Variants in SLC2A7 observed in about 807,000 individuals in gnomAD.
SLC2A7 encodes the protein solute carrier family 2, facilitated glucose transporter member 7.
Under a neutral mutation model 50.5 loss-of-function variants are expected in SLC2A7, and 50 were observed. That is an observed-to-expected ratio of 0.99 (90% CI 0.79 to 1.25). The LOEUF is 1.25. Among genes scored for constraint, SLC2A7 ranks in the 50% most tolerant of loss-of-function variants. The pLI is 0.00. For synonymous variants in SLC2A7, 308 were observed against 300.4 expected (o/e 1.03, Z -0.26); for missense variants, 683 against 679.1 (o/e 1.01, Z -0.06).
At chr1:9,019,639 C>T (rs1640884344) in intron 3 of SLC2A7, among the ~76,000 whole-genome samples, 1 of 152,142 alleles carries the variant, frequency 6.6e-6, no homozygotes, top group African/African-American at 2.4e-5. Flanking sequence ...GAAGACACAG[C>T]CAGGCTGGGC....
At chr1:9,013,727 C>G in intron 7 of SLC2A7, 92 bp from the exon 8 acceptor site, 2 of 1,148,742 alleles carry the variant, frequency 1.7e-6, no homozygotes, top group East Asian at 5.2e-5. Flanking sequence ...GTTCTGCAAG[C>G]CTGGGTTGGG....
chr1:9,009,576 C>T (rs1182662992), intron 9 of SLC2A7, among the ~76,000 whole-genome samples: 1 of 152,212 alleles, frequency 6.6e-6, no homozygotes, highest in Non-Finnish European at 1.5e-5. Flanking sequence ...CCCACCTCAG[C>T]TTCCTGAGTA....
chr1:9,015,190 C>A lies in SLC2A7; in HGVS notation c.642G>T (p.Leu214=), dbSNP rs774843662. 1 of 1,610,490 alleles carries A rather than the reference C, an allele frequency of 6.2e-7. No homozygotes were observed. The highest frequency in any genetic ancestry group is 8.5e-7 in the Non-Finnish European group (1 of 1,178,878). ...GGCTTTCGGGGAAGAAGGGCAGGGTCAGCAGCTGCAGCAGGGCGGGCACCC... is the reference window on the plus strand; with the variant it reads ...GGCTTTCGGGGAAGAAGGGCAGGGTAAGCAGCTGCAGCAGGGCGGGCACCC... ...LTGVPALLQL[L]TLPFFPESPR... The change falls in exon 6 of 12, where the codon CTG becomes CTT. Residue 214 remains leucine, a synonymous_variant. Transcript: ENST00000400906.
At position 9,003,420 on chromosome 1, in the gene SLC2A7, T is replaced by C; in HGVS notation, c.1419A>G (p.Thr473=). 1 of 1,614,186 alleles carries C rather than the reference T, an allele frequency of 6.2e-7. No homozygotes were observed. Among genetic ancestry groups the C allele is most frequent in the Non-Finnish European group, 8.5e-7 (1 of 1,180,030 alleles). ...CAAAAATGCGGTTTATCTCCACAAA[T>C]GTTTTGCCCTTGGTCTCCGGAATAA... ...YVVIPETKGK[T]FVEINRIFAK... The change falls in exon 12 of 12, where the codon ACA becomes ACG. Residue 473 remains threonine (T), a synonymous_variant. Transcript: ENST00000400906.
chr1:9,025,049 G>C lies in SLC2A7; in HGVS notation c.77C>G (p.Ala26Gly), dbSNP rs866944150. Residue 26 changes from alanine (A) to glycine (G), a missense_variant, in exon 2 of 12, where the codon GCG (alanine) becomes GGG (glycine). Ala to Gly is a moderately conservative substitution (Grantham distance 60). Transcript: ENST00000400906. ...EGRLQPTLLL[A>G]TLSAAFGSAF... ...TGAGCCAAAGGCCGCGCTCAGTGTC[G>C]CCAGCAACAGCGTCGGCTGGAGCCG... 6.2e-7 allele frequency: 1 copy of C among 1,613,624 alleles called. No individual in the cohort carries two copies. The highest frequency in any genetic ancestry group is 2.2e-5 in the East Asian group (1 of 44,874).
chr1:9,012,660 A>C (rs996867753), intron 8 of SLC2A7, among the ~76,000 whole-genome samples: 1 of 152,222 alleles, frequency 6.6e-6, no homozygotes, highest in Non-Finnish European at 1.5e-5. Context: ...AATCAAAATA[A>C]TCAGGAGATA....
chr1:8,999,709 C>T (rs1569773483), downstream of SLC2A7, among the ~76,000 whole-genome samples: 4 of 152,292 alleles, frequency 2.6e-5, 1 homozygote, highest in Admixed American at 2.6e-4. Flanking sequence ...GTGTGTGACC[C>T]AGGAGGGAGG....
chr1:9,003,565 A>G, intron 11 of SLC2A7, 47 bp from the exon 12 acceptor site: 4 of 1,560,606 alleles, frequency 2.6e-6, no homozygotes, highest in Non-Finnish European at 3.5e-6. Context: ...GAAAGGCAAC[A>G]GTGCTGATTC....
intron 9 of SLC2A7, 99 bp downstream of exon 9, chr1:9,010,044 C>G: frequency 8.6e-7 from 1 of 1,163,938 alleles, no homozygotes; most frequent in Middle Eastern, 1.9e-4. Flanking sequence ...ATCAGTGGGA[C>G]TCAGAACCAA....
chr1:9,025,657 G>A (rs1640987828), intron 1 of SLC2A7, among the ~76,000 whole-genome samples: 1 of 152,200 alleles, frequency 6.6e-6, no homozygotes, highest in South Asian at 2.1e-4. Flanking sequence ...CTCATTGCTT[G>A]CCTCTGCCTC....
intron 1 of SLC2A7, 67 bp from the exon 2 acceptor site, chr1:9,025,141 C>T: frequency 6.8e-7 from 1 of 1,474,362 alleles, no homozygotes; most frequent in African/African-American, 1.4e-5. Context: ...GTGGCTGGGC[C>T]TCCACCTCCC....
intron 3 of SLC2A7, among the ~76,000 whole-genome samples, chr1:9,020,135 G>A (rs1171988902): frequency 6.6e-6 from 1 of 152,164 alleles, no homozygotes; most frequent in East Asian, 1.9e-4. Flanking sequence ...GGGCGAATGG[G>A]CAGACGTCCC....
chr1:9,010,488 G>A (rs1437586944), intron 8 of SLC2A7, among the ~76,000 whole-genome samples: 1 of 152,170 alleles, frequency 6.6e-6, no homozygotes, highest in Non-Finnish European at 1.5e-5. Context: ...CTCCCAAGTA[G>A]CTGGGATTAC....
At chr1:9,017,314 T>C (rs923691077) in intron 5 of SLC2A7, among the ~76,000 whole-genome samples, 1 of 152,098 alleles carries the variant, frequency 6.6e-6, no homozygotes, top group Admixed American at 6.5e-5. Context: ...GGTGAGACCC[T>C]GCCTCAAAAC....
Position 9,013,628 on chromosome 1 carries a change from T to C in SLC2A7, c.911A>G (p.Tyr304Cys), listed in dbSNP as rs766882547. 8.1e-6 allele frequency: 13 copies of C among 1,613,390 alleles called. No individual in the cohort carries two copies. Among genetic ancestry groups the C allele is most frequent in the South Asian group, 2.2e-5 (2 of 90,968 alleles). ...QQLSGINAIN[Y>C]YADTIYTSAG... ...AGATGTGTAGATGGTGTCCGCATAGTAGTTGATCTAAACAAAAACACAGGG... is the reference window on the plus strand; with the variant it reads ...AGATGTGTAGATGGTGTCCGCATAGCAGTTGATCTAAACAAAAACACAGGG... Residue 304 changes from tyrosine (Y) to cysteine (C), a missense_variant, in exon 8 of 12, where the codon TAC (tyrosine) becomes TGC (cysteine). By Grantham distance (194) the Tyr-to-Cys change is radical. Transcript: ENST00000400906.
At position 9,008,258 on chromosome 1, in the gene SLC2A7, C is replaced by T. The variant is rs144310824; in HGVS notation, c.1117-873G>A. 0.017 allele frequency among the ~76,000 whole-genome samples: 2,510 copies of T among 152,118 alleles called. 41 individuals are homozygous for T. Among genetic ancestry groups the T allele is most frequent in the Middle Eastern group, 0.044 (13 of 294 alleles). ...ACAAGTTGGCAGCAGAGCTGGATGG[C>T]GAGGTGGGAGGGGAGGCACTGGGAG... On this transcript the variant is annotated intron_variant, in intron 9 of 11. Coordinates refer to ENST00000400906, the MANE Select transcript of SLC2A7 (RefSeq NM_207420.3). The surrounding 1 kb of genome is among the most constrained non-coding windows in gnomAD (Gnocchi z 5.9).
At chr1:9,024,209 A>G (rs1232094536) in intron 2 of SLC2A7, among the ~76,000 whole-genome samples, 2 of 151,952 alleles carry the variant, frequency 1.3e-5, no homozygotes, top group Non-Finnish European at 2.9e-5. Context: ...AAGTTACAGA[A>G]CCTCCAGAAA....
chr1:9,018,073 A>T, intron 5 of SLC2A7, 150 bp downstream of exon 5: 1 of 1,057,982 alleles, frequency 9.5e-7, no homozygotes, highest in Non-Finnish European at 1.3e-6. Context: ...AACAGCCCCG[A>T]CCACGTCACC....
In SLC2A7 at chr1:9,023,037, G is replaced by C; in HGVS notation, c.192C>G (p.His64Gln). The C allele has an allele frequency of 6.2e-7, 1 of 1,614,158 alleles. No individual in the cohort carries two copies. Among genetic ancestry groups the C allele is most frequent in the Non-Finnish European group, 8.5e-7 (1 of 1,180,010 alleles). Residue 64 changes from histidine (H) to glutamine (Q), a missense_variant, in exon 3 of 12, where the codon CAC (histidine) becomes CAG (glutamine). Coordinates refer to ENST00000400906, the MANE Select transcript of SLC2A7 (RefSeq NM_207420.3). ...TGAGCTTCCCGTCCATGAATGTTGC[G>C]TGTCGCTCAAAGTAGGTTTCGTTGT... ...SFYNETYFER[H>Q]ATFMDGKLML...
Sources: gnomAD v4.1 joint callset for allele counts (sites outside exome capture counted in the v4.1 genomes callset) on GRCh38, gnomAD v4.1.1 for gene constraint, Gnocchi (gnomAD v3.1) non-coding constraint, MANE v1.5 for transcripts, NCBI Gene and HGNC (gene_info 2026-07-23, HGNC 2026-07-21) for gene names.